Variants in TNNT2 observed in about 807,000 individuals in gnomAD.
The protein encoded by TNNT2 is troponin T2, cardiac type, also known as troponin T, cardiac muscle.
TNNT2 carries 34 observed loss-of-function variants against 62.4 expected under a neutral mutation model. The observed-to-expected ratio is 0.54, with a 90% CI of 0.41 to 0.72. TNNT2 has a LOEUF of 0.72. Among genes scored for constraint, TNNT2 ranks in the 30% least tolerant of loss-of-function variants. The probability of loss-of-function intolerance (pLI) is 0.00; values close to 1 mark genes in which losing one functional copy is unlikely to be tolerated. For missense variants in TNNT2, 275 were observed against 381.9 expected (o/e 0.72, Z 2.33); for synonymous variants, 123 against 127.2 (o/e 0.97, Z 0.22).
chr1:201,373,090 G>T (rs1027630235), intron 2 of TNNT2, 124 bp downstream of exon 2: 5 of 952,668 alleles, frequency 5.2e-6, no homozygotes, highest in African/African-American at 1.6e-5. Context: ...TCTCCTCGGG[G>T]TGCCCAAAAC....
intron 2 of TNNT2, 147 bp from the exon 3 acceptor site, chr1:201,372,302 GC>G: frequency 1.7e-6 from 2 of 1,174,570 alleles, no homozygotes; most frequent in Non-Finnish European, 2.4e-6. Context: ...ACGCTGCCCT[GC>G]CCACCTTGCA....
intron 7 of TNNT2, 166 bp downstream of exon 7, chr1:201,367,605 C>T: frequency 1.2e-6 from 1 of 805,638 alleles, no homozygotes; most frequent in Non-Finnish European, 2.2e-6. Context: ...AAGTTGAAAG[C>T]TCAACATCTA....
chr1:201,365,384 C>T (rs557730232), intron 9 of TNNT2, 77 bp from the exon 10 acceptor site: 9 of 1,343,526 alleles, frequency 6.7e-6, no homozygotes, highest in African/African-American at 2.9e-5. Flanking sequence ...TAGACACCCC[C>T]CAACGCAGTG....
rs758051932 is a variant in TNNT2, at chr1:201,365,604, G to A, written c.294+6C>T. 5.0e-6 allele frequency: 8 copies of A among 1,613,724 alleles called. No homozygotes were observed. The highest frequency in any genetic ancestry group is 4.0e-5 in the African/African-American group (3 of 74,884). ...CAGGCCTACTCAACCCACAGCCACC[G>A]CTTACATCAAAGTCCACTCTCTCTC... On this transcript the variant is annotated splice_donor_region_variant and intron_variant, in intron 9 of 16. Transcript: ENST00000656932.
intron 14 of TNNT2, among the ~76,000 whole-genome samples, chr1:201,361,668 T>C (rs1658669554): frequency 6.6e-6 from 1 of 152,254 alleles, no homozygotes. Context: ...GACACCCGTG[T>C]GCAGGTGGGT....
rs1342160801 is a variant in TNNT2 at position 201,365,680 on chromosome 1, A to G, written c.234-10T>C. The G allele has an allele frequency of 3.1e-6, 5 of 1,613,606 alleles. No homozygotes were observed. The highest frequency in any genetic ancestry group is 1.7e-4 in the Middle Eastern group (1 of 6,060). Reference sequence around the variant, plus strand: ...GTTGGGCATGAACGACCTGTTGGAGAGAGGAATAGTCAGCATCAGCCCCAT... The same window carrying G: ...GTTGGGCATGAACGACCTGTTGGAGGGAGGAATAGTCAGCATCAGCCCCAT... On this transcript the variant is annotated splice_polypyrimidine_tract_variant and intron_variant, in intron 8 of 16. Transcript: ENST00000656932.
chr1:201,361,833 A>C, intron 14 of TNNT2, 80 bp downstream of exon 14: 1 of 1,330,922 alleles, frequency 7.5e-7, no homozygotes, highest in Non-Finnish European at 1.1e-6. Context: ...CTGGTGGCTC[A>C]CAGCAAGAAG....
At position 201,362,248 on chromosome 1, in the gene TNNT2, C is replaced by G. The variant is rs928759004; in HGVS notation, c.609+138G>C. ...TCTTCCTTCTTTGCCTAACTAATCTCTTTCACCTCTCACCAGCTTCCCCCC... is the reference window on the plus strand; with the variant it reads ...TCTTCCTTCTTTGCCTAACTAATCTGTTTCACCTCTCACCAGCTTCCCCCC... On this transcript the variant is annotated intron_variant, in intron 13 of 16. Coordinates refer to ENST00000656932, the MANE Select transcript of TNNT2 (RefSeq NM_001276345.2). The G allele has an allele frequency of 1.4e-5, 20 of 1,441,530 alleles. No homozygotes were observed. In the African/African-American group the frequency reaches 2.8e-4, roughly 20 times the overall value. 89.3% of individuals were successfully genotyped at this position (1,441,530 alleles called of 1,614,324 possible).
chr1:201,371,962 C>G, intron 4 of TNNT2, 65 bp downstream of exon 4: 1 of 1,608,352 alleles, frequency 6.2e-7, no homozygotes, highest in Non-Finnish European at 8.5e-7. Flanking sequence ...TTTCCCAGGG[C>G]TCCCAGGATT....
intron 4 of TNNT2, 103 bp downstream of exon 4, chr1:201,371,924 G>A: frequency 1.4e-6 from 2 of 1,470,458 alleles, no homozygotes; most frequent in South Asian, 2.3e-5. Flanking sequence ...GCTCAGCTGA[G>A]AGTGAGGAGC....
At chr1:201,368,904 C>A (rs1660150522) in intron 5 of TNNT2, among the ~76,000 whole-genome samples, 1 of 152,190 alleles carries the variant, frequency 6.6e-6, no homozygotes, top group Non-Finnish European at 1.5e-5. Context: ...AAGACACCAT[C>A]GTGGGAGAAG....
chr1:201,361,263 C>G lies in TNNT2; in HGVS notation c.810+16G>C. ...GTGAGATGGAGATGCTGGGCGGGGA[C>G]AGCATGGCGGCCCACCTCATATTTC... On this transcript the variant is annotated intron_variant, in intron 15 of 16. Transcript: ENST00000656932. The G allele has an allele frequency of 6.2e-7, 1 of 1,613,380 alleles. No homozygotes were observed. The highest frequency in any genetic ancestry group is 8.5e-7 in the Non-Finnish European group (1 of 1,179,334).
chr1:201,360,294 C>T (rs1658373683), intron 15 of TNNT2, among the ~76,000 whole-genome samples: 1 of 152,180 alleles, frequency 6.6e-6, no homozygotes, highest in African/African-American at 2.4e-5. Flanking sequence ...GCTATGAGGG[C>T]ATAGTAAGTT....
Position 201,365,187 on chromosome 1 carries a change from C to T in TNNT2, c.411+4G>A. On this transcript the variant is annotated splice_donor_region_variant and intron_variant, in intron 10 of 16. Coordinates refer to ENST00000656932, the MANE Select transcript of TNNT2 (RefSeq NM_001276345.2). Reference sequence around the variant, plus strand: ...AATGTTAGGTGGGCAGACTGGACACCTACGATCCTGTCTTTGAGAGAAACG... The same window carrying T: ...AATGTTAGGTGGGCAGACTGGACACTTACGATCCTGTCTTTGAGAGAAACG... 6.2e-7 allele frequency: 1 copy of T among 1,610,472 alleles called. No homozygotes were observed.
chr1:201,365,171 TG>T lies in TNNT2; in HGVS notation c.411+19del. ...GACTGGGCCATCAGAGAATGTTAGGTGGGCAGACTGGACACCTACGATCCTG... is the reference window on the plus strand; with the variant it reads ...GACTGGGCCATCAGAGAATGTTAGGTGGCAGACTGGACACCTACGATCCTG... On this transcript the variant is annotated intron_variant, in intron 10 of 16. Coordinates refer to ENST00000656932, the MANE Select transcript of TNNT2 (RefSeq NM_001276345.2). 6.3e-7 allele frequency: 1 copy of T among 1,583,002 alleles called. No individual in the cohort carries two copies.
intron 11 of TNNT2, chr1:201,363,834 C>A: frequency 3.3e-6 from 1 of 302,178 alleles, no homozygotes; most frequent in Non-Finnish European, 6.3e-6. Context: ...ATTATCAGAG[C>A]CAAGACAATG....
At chr1:201,365,458 G>T in intron 9 of TNNT2, 151 bp from the exon 10 acceptor site, 1 of 1,190,800 alleles carries the variant, frequency 8.4e-7, no homozygotes, top group South Asian at 1.2e-5. Flanking sequence ...CTGAACCCAG[G>T]ACCACGCTCA....
rs1660733668 is a variant in TNNT2, at chr1:201,372,217, T to G, written c.42-62A>C. 1.9e-6 allele frequency: 3 copies of G among 1,599,994 alleles called. No homozygotes were observed. The East Asian group carries it at 6.7e-5, about 36-fold the overall frequency. ...ACAAGCACATGCAAACACACACGCCTGCACACACATGCACACACTGGCCTT... is the reference window on the plus strand; with the variant it reads ...ACAAGCACATGCAAACACACACGCCGGCACACACATGCACACACTGGCCTT... On this transcript the variant is annotated intron_variant, in intron 2 of 16. Transcript: ENST00000656932.
intron 16 of TNNT2, 93 bp downstream of exon 16, chr1:201,359,530 G>T: frequency 1.5e-6 from 2 of 1,320,598 alleles, no homozygotes; most frequent in Non-Finnish European, 2.1e-6. Flanking sequence ...AGGGCTGGGA[G>T]CCTGGGGCCC....
Sources: gnomAD v4.1 joint callset for allele counts (sites outside exome capture counted in the v4.1 genomes callset) on GRCh38, gnomAD v4.1.1 for gene constraint, MANE v1.5 for transcripts, NCBI Gene and HGNC (gene_info 2026-07-23, HGNC 2026-07-21) for gene names.